Variants in PUS7 observed in about 807,000 individuals in gnomAD.
PUS7 encodes pseudouridylate synthase 7 homolog.
In PUS7, 48 loss-of-function variants were observed where a neutral mutation model predicts 79.8. The ratio of observed to expected loss-of-function variants is 0.60; its 90% CI spans 0.48 to 0.76. The LOEUF (loss-of-function observed/expected upper bound fraction) is 0.76. Among genes scored for constraint, PUS7 ranks in the 30% least tolerant of loss-of-function variants. PUS7 has a pLI of 0.00. For synonymous variants in PUS7, 286 were observed against 272.2 expected (o/e 1.05, Z -0.50); for missense variants, 729 against 797.6 (o/e 0.91, Z 1.04).
Position 105,459,120 on chromosome 7 carries a change from A to G in PUS7, c.1849+48T>C, listed in dbSNP as rs370151780. ...CAAAAAAAAATTATGTTTTTGTTTA[A>G]CAAAACATTTCAAAGTCAACACAGA... On this transcript the variant is annotated intron_variant, in intron 15 of 15. Coordinates refer to ENST00000469408, the MANE Select transcript of PUS7 (RefSeq NM_019042.5). 1.3e-5 allele frequency: 16 copies of G among 1,250,466 alleles called. No individual in the cohort carries two copies. In the African/African-American group the frequency reaches 2.4e-4, roughly 19 times the overall value. The allele number at this position is 1,250,466 out of a possible 1,614,324, so 77.5% of individuals were successfully genotyped here.
Position 105,495,208 on chromosome 7 carries a change from T to G in PUS7, c.776A>C (p.His259Pro), listed in dbSNP as rs1215437458. Residue 259 changes from histidine to proline, a missense_variant, in exon 6 of 16, where the codon CAC becomes CCC. His to Pro is a moderately conservative substitution (Grantham distance 77). Coordinates refer to ENST00000469408, the MANE Select transcript of PUS7 (RefSeq NM_019042.5). ...SWPKSRGSYC[H>P]FVLYKENKDT... ...TTTGTTTTCCTTATATAGTACGAAGTGGCAGTAACTTCCCCTAGATTTTGG... is the reference window on the plus strand; with the variant it reads ...TTTGTTTTCCTTATATAGTACGAAGGGGCAGTAACTTCCCCTAGATTTTGG... 6.2e-7 allele frequency: 1 copy of G among 1,612,930 alleles called. No individual in the cohort carries two copies. Among genetic ancestry groups the G allele is most frequent in the Non-Finnish European group, 8.5e-7 (1 of 1,179,320 alleles).
At chr7:105,474,478 C>A (rs915170073) in intron 9 of PUS7, among the ~76,000 whole-genome samples, 2 of 151,968 alleles carry the variant, frequency 1.3e-5, no homozygotes, top group Non-Finnish European at 2.9e-5. Context: ...CACTAAAAAA[C>A]CTTTGTTAGG....
At chr7:105,458,246 A>G (rs1156648794) in intron 15 of PUS7, among the ~76,000 whole-genome samples, 1 of 152,138 alleles carries the variant, frequency 6.6e-6, no homozygotes, top group African/African-American at 2.4e-5. Context: ...GATGATGAGA[A>G]TGCCAATTTA....
chr7:105,475,334 C>CATTT (rs1563362038), intron 9 of PUS7, among the ~76,000 whole-genome samples: 1 of 152,034 alleles, frequency 6.6e-6, no homozygotes, highest in Non-Finnish European at 1.5e-5. Context: ...TACAGGCGCG[C>CATTT]GCCACCACGC....
intron 15 of PUS7, 111 bp from the exon 16 acceptor site, chr7:105,458,037 T>C: frequency 8.0e-7 from 1 of 1,250,192 alleles, no homozygotes; most frequent in Non-Finnish European, 1.1e-6. Flanking sequence ...TTCCTTAGAC[T>C]CCACTTCCTA....
chr7:105,522,194 G>C lies in PUS7; in HGVS notation c.-175C>G, dbSNP rs1445573172. On this transcript the variant is annotated 5_prime_UTR_variant, in exon 1 of 16. Transcript: ENST00000469408. Reference sequence around the variant, plus strand: ...GCAAAAGCAGCGCTTTCCGCGCGGAGGACCAGATGCGCTCCAGCCGACTCA... The same window carrying C: ...GCAAAAGCAGCGCTTTCCGCGCGGACGACCAGATGCGCTCCAGCCGACTCA... 2.6e-5 allele frequency: 4 copies of C among 151,990 alleles called. No individual in the cohort carries two copies. Among genetic ancestry groups the C allele is most frequent in the Non-Finnish European group, 4.4e-5 (3 of 68,016 alleles). The allele number at this position is 151,990 out of a possible 1,614,324, so 9.4% of individuals were successfully genotyped here.
intron 7 of PUS7, among the ~76,000 whole-genome samples, chr7:105,482,831 C>T (rs1335450649): frequency 6.6e-6 from 1 of 152,048 alleles, no homozygotes; most frequent in East Asian, 1.9e-4. Flanking sequence ...AAAAAAAGGT[C>T]ATTATTTTTG....
At chr7:105,511,041 T>C (rs1586177819) in intron 1 of PUS7, among the ~76,000 whole-genome samples, 4 of 151,968 alleles carry the variant, frequency 2.6e-5, no homozygotes, top group Admixed American at 2.6e-4. Context: ...TATTTATTTA[T>C]TTATTTTTGA....
chr7:105,496,158 C>CA (rs1239655718), intron 5 of PUS7, among the ~76,000 whole-genome samples: 230 of 58,196 alleles, frequency 4.0e-3, no homozygotes, highest in African/African-American at 0.012. Flanking sequence ...GACTCCGTCT[C>CA]AAAAAAAAAA....
chr7:105,499,734 T>A (rs1448492788), intron 5 of PUS7, among the ~76,000 whole-genome samples: 2 of 152,198 alleles, frequency 1.3e-5, no homozygotes, highest in African/African-American at 4.8e-5. Flanking sequence ...AAAGTTCAGG[T>A]TAAGAATATT....
intron 11 of PUS7, among the ~76,000 whole-genome samples, chr7:105,468,960 G>A (rs1823769195): frequency 6.6e-6 from 1 of 152,094 alleles, no homozygotes; most frequent in African/African-American, 2.4e-5. Flanking sequence ...GGAGTGCAGT[G>A]GCATGATCAT....
At chr7:105,470,511 C>T in intron 11 of PUS7, 177 bp downstream of exon 11, 1 of 572,978 alleles carries the variant, frequency 1.7e-6, no homozygotes. Context: ...CGCATCCACC[C>T]CCAACATCAC....
chr7:105,492,178 G>A (rs1416696022), intron 6 of PUS7, among the ~76,000 whole-genome samples: 5 of 152,058 alleles, frequency 3.3e-5, no homozygotes, highest in Non-Finnish European at 7.4e-5. Flanking sequence ...TGAGGCAGGA[G>A]GACTGTCTGC....
At chr7:105,505,896 T>C in intron 4 of PUS7, 59 bp downstream of exon 4, 2 of 1,324,646 alleles carry the variant, frequency 1.5e-6, no homozygotes, top group Non-Finnish European at 2.1e-6. Flanking sequence ...ACACTTAACA[T>C]CCACCCAAAA....
chr7:105,499,452 A>G (rs370765454), intron 5 of PUS7, among the ~76,000 whole-genome samples: 1 of 152,166 alleles, frequency 6.6e-6, no homozygotes, highest in Admixed American at 6.5e-5. Context: ...TTTTTTTTAC[A>G]TAAGTCTTTA....
At chr7:105,485,383 A>AT (rs1356267700) in intron 7 of PUS7, among the ~76,000 whole-genome samples, 2 of 151,824 alleles carry the variant, frequency 1.3e-5, no homozygotes. Context: ...CTAATTTTGT[A>AT]TTTTTAGTAG....
chr7:105,499,720 G>A (rs1825173393), intron 5 of PUS7, among the ~76,000 whole-genome samples: 1 of 152,140 alleles, frequency 6.6e-6, no homozygotes, highest in Non-Finnish European at 1.5e-5. Context: ...AGTTCTATCT[G>A]AGAAAAGTTC....
intron 1 of PUS7, among the ~76,000 whole-genome samples, chr7:105,521,388 G>A (rs933984877): frequency 6.6e-6 from 1 of 152,210 alleles, no homozygotes; most frequent in Non-Finnish European, 1.5e-5. Flanking sequence ...GGCTGACGAG[G>A]AGGACTCGAA....
At chr7:105,484,136 CTCTT>C (rs1824445320) in intron 7 of PUS7, among the ~76,000 whole-genome samples, 1 of 152,092 alleles carries the variant, frequency 6.6e-6, no homozygotes, top group Admixed American at 6.5e-5. Flanking sequence ...CTCTAAGAGT[CTCTT>C]TGTCTTTGCT....
Sources: gnomAD v4.1 joint callset for allele counts (sites outside exome capture counted in the v4.1 genomes callset) on GRCh38, gnomAD v4.1.1 for gene constraint, MANE v1.5 for transcripts, NCBI Gene and HGNC (gene_info 2026-07-23, HGNC 2026-07-21) for gene names.